Variants in SLC44A5 observed in about 807,000 individuals in gnomAD.
SLC44A5 encodes the protein choline transporter-like protein 5.
SLC44A5 carries 57 observed loss-of-function variants against 101.8 expected under a neutral mutation model. That is an observed-to-expected ratio of 0.56 (90% CI 0.45 to 0.70). SLC44A5 has a LOEUF of 0.70. Ranked by LOEUF, SLC44A5 falls within the 30% of genes least tolerant of loss-of-function variation. The pLI is 0.00. For missense variants in SLC44A5, 737 were observed against 853.1 expected (o/e 0.86, Z 1.70); for synonymous variants, 281 against 290.9 (o/e 0.97, Z 0.35).
intron 2 of SLC44A5, among the ~76,000 whole-genome samples, chr1:75,402,740 C>T (rs1662577097): frequency 6.6e-6 from 1 of 152,024 alleles, no homozygotes; most frequent in African/African-American, 2.4e-5. Context: ...ACCACCAGGG[C>T]CCTGGGTTCC....
At chr1:75,516,009 G>A (rs1353743891) in intron 2 of SLC44A5, among the ~76,000 whole-genome samples, 3 of 151,758 alleles carry the variant, frequency 2.0e-5, no homozygotes, top group African/African-American at 7.3e-5. Context: ...TAGCAATGTC[G>A]AGTATTAAAA....
intron 7 of SLC44A5, among the ~76,000 whole-genome samples, chr1:75,249,627 G>A (rs1649397292): frequency 6.6e-6 from 1 of 152,138 alleles, no homozygotes; most frequent in South Asian, 2.1e-4. Flanking sequence ...AAACTGCTGT[G>A]TATTTATCAC....
chr1:75,715,337 G>T, the SLC44A5 span, among the ~76,000 whole-genome samples: 34 of 152,050 alleles, frequency 2.2e-4, no homozygotes, highest in African/African-American at 8.0e-4. Context: ...CAAATAGCCA[G>T]GGCAACCCTA....
chr1:75,234,053 A>C lies in SLC44A5; in HGVS notation c.786T>G (p.Leu262=). The C allele has an allele frequency of 6.2e-7, 1 of 1,613,638 alleles. No individual in the cohort carries two copies. The highest frequency in any genetic ancestry group is 8.5e-7 in the Non-Finnish European group (1 of 1,179,716). ...AMVLSWIFLI[L]LRFIAGCLFW... ...AGAGGCATCCAGCTATGAACCTCAG[A>C]AGTATCAAAAATATCCAACTAAGGA... The change falls in exon 12 of 24, where the codon CTT becomes CTG. Residue 262 remains leucine, a synonymous_variant. Transcript: ENST00000370859.
chr1:75,461,768 C>T (rs1164881230), intron 2 of SLC44A5, among the ~76,000 whole-genome samples: 2 of 152,150 alleles, frequency 1.3e-5, no homozygotes, highest in African/African-American at 4.8e-5. Flanking sequence ...TTAGGGGGAA[C>T]ATTGGTAGTA....
chr1:75,339,849 C>T (rs1319702411), intron 3 of SLC44A5, among the ~76,000 whole-genome samples: 1 of 152,166 alleles, frequency 6.6e-6, no homozygotes, highest in Non-Finnish European at 1.5e-5. Flanking sequence ...GGTTAAGGAA[C>T]ATATTCCATA....
the SLC44A5 span, among the ~76,000 whole-genome samples, chr1:75,681,334 T>G: frequency 6.6e-6 from 1 of 152,182 alleles, no homozygotes; most frequent in East Asian, 1.9e-4. Flanking sequence ...ATATTCTTGA[T>G]GAACATTGAT....
chr1:75,331,817 A>G (rs1463720266), intron 4 of SLC44A5, among the ~76,000 whole-genome samples: 4 of 152,066 alleles, frequency 2.6e-5, no homozygotes, highest in Admixed American at 2.6e-4. Flanking sequence ...TGCCTCCTCT[A>G]TCTAACATGT....
chr1:75,443,856 G>A (rs1317266794), intron 2 of SLC44A5, among the ~76,000 whole-genome samples: 1 of 151,536 alleles, frequency 6.6e-6, no homozygotes, highest in Non-Finnish European at 1.5e-5. Context: ...TAAGAAAAAC[G>A]TGGTAAGAAA....
chr1:75,292,803 A>G (rs1017326062), intron 5 of SLC44A5, among the ~76,000 whole-genome samples: 4 of 152,212 alleles, frequency 2.6e-5, no homozygotes, highest in African/African-American at 9.7e-5. Flanking sequence ...GTTGAAGATC[A>G]TGGGGTTCTG....
At chr1:75,204,178 CT>C (rs1308852415) in intron 23 of SLC44A5, among the ~76,000 whole-genome samples, 1 of 151,904 alleles carries the variant, frequency 6.6e-6, no homozygotes, top group Non-Finnish European at 1.5e-5. Context: ...AAAATTGATT[CT>C]GTTTTGCCAT....
intron 2 of SLC44A5, among the ~76,000 whole-genome samples, chr1:75,497,875 T>C (rs1668758004): frequency 6.6e-6 from 1 of 152,060 alleles, no homozygotes; most frequent in Non-Finnish European, 1.5e-5. Flanking sequence ...CAAGAAACAA[T>C]ACCACAGAAA....
At chr1:75,679,256 A>G in the SLC44A5 span, among the ~76,000 whole-genome samples, 4 of 152,202 alleles carry the variant, frequency 2.6e-5, no homozygotes, top group African/African-American at 9.7e-5. Flanking sequence ...CAGAAAACAC[A>G]GAGAACGCCA....
intron 2 of SLC44A5, among the ~76,000 whole-genome samples, chr1:75,408,812 C>T (rs948393496): frequency 6.6e-6 from 1 of 152,092 alleles, no homozygotes; most frequent in Admixed American, 6.6e-5. Flanking sequence ...ACCTATGTAA[C>T]AAACCTGCAC....
chr1:75,611,693 T>G (rs893095178), upstream of SLC44A5, among the ~76,000 whole-genome samples: 3 of 152,206 alleles, frequency 2.0e-5, no homozygotes, highest in African/African-American at 7.2e-5. Flanking sequence ...GTCAAAAGCA[T>G]AAAAGTACCC....
chr1:75,470,959 T>A (rs1026773014), intron 2 of SLC44A5, among the ~76,000 whole-genome samples: 1 of 152,140 alleles, frequency 6.6e-6, no homozygotes, highest in Non-Finnish European at 1.5e-5. Context: ...CTCAATTACA[T>A]GAAAATTCTA....
intron 5 of SLC44A5, among the ~76,000 whole-genome samples, chr1:75,294,788 A>C (rs1486760937): frequency 6.6e-6 from 1 of 152,158 alleles, no homozygotes; most frequent in Non-Finnish European, 1.5e-5. Context: ...ATAGAAGAAA[A>C]GTATTGCGTG....
chr1:75,579,121 GT>G lies in SLC44A5; in HGVS notation c.-70+31918del, dbSNP rs1673536077. Reference sequence around the variant, plus strand: ...ACAGTTTAAATTGCTGAAAGTAGAGGTTTCAGTCAGGAAATGAACTCTGAAC... The same window carrying G: ...ACAGTTTAAATTGCTGAAAGTAGAGGTTCAGTCAGGAAATGAACTCTGAAC... On this transcript the variant is annotated intron_variant, in intron 1 of 23. Coordinates refer to ENST00000370859, the MANE Select transcript of SLC44A5 (RefSeq NM_001130058.2). Among the ~76,000 whole-genome samples, 7 of 152,246 alleles carry G rather than the reference GT, an allele frequency of 4.6e-5. No individual in the cohort carries two copies. In the South Asian group the frequency reaches 1.5e-3, roughly 32 times the overall value.
At chr1:75,394,606 C>T (rs1778457) in intron 3 of SLC44A5, among the ~76,000 whole-genome samples, 1 of 152,064 alleles carries the variant, frequency 6.6e-6, no homozygotes, top group Non-Finnish European at 1.5e-5. Flanking sequence ...GTGAAACGAG[C>T]CACTGGCTTT....
Sources: allele counts gnomAD v4.1 joint callset (sites outside exome capture counted in the v4.1 genomes callset), GRCh38; gene constraint gnomAD v4.1.1; transcripts MANE v1.5; gene names NCBI Gene and HGNC (gene_info 2026-07-23, HGNC 2026-07-21).